Variants in NTSR1 observed in about 807,000 individuals in gnomAD.
NTSR1 encodes the protein neurotensin receptor 1.
Under a neutral mutation model 31.2 loss-of-function variants are expected in NTSR1, and 29 were observed. The ratio of observed to expected loss-of-function variants is 0.93; its 90% CI spans 0.69 to 1.27. NTSR1 has a LOEUF of 1.27. NTSR1 is among the 50% of genes most tolerant of loss of function. NTSR1 has a pLI of 0.00. For synonymous variants in NTSR1, 282 were observed against 269.9 expected (o/e 1.04, Z -0.44); for missense variants, 697 against 595.4 (o/e 1.17, Z -1.78).
chr20:62,729,973 C>G (rs530500576), intron 1 of NTSR1, among the ~76,000 whole-genome samples: 38 of 152,118 alleles, frequency 2.5e-4, no homozygotes, highest in Non-Finnish European at 5.0e-4. Context: ...TGTAGAGAAG[C>G]GTTGAGCCCA....
chr20:62,723,218 AT>A (rs1988851643), intron 1 of NTSR1, among the ~76,000 whole-genome samples: 1 of 152,226 alleles, frequency 6.6e-6, no homozygotes, highest in African/African-American at 2.4e-5. Flanking sequence ...GGCTCTCAGC[AT>A]TCAGAGAGTA....
At chr20:62,725,117 T>G (rs2427418) in intron 1 of NTSR1, among the ~76,000 whole-genome samples, 138,701 of 152,268 alleles carry the variant, frequency 0.91, 63,365 homozygotes, top group East Asian at 1. Context: ...AGACAAGTGC[T>G]CCCCAAGGCA....
chr20:62,762,763 C>T lies in NTSR1; in HGVS notation c.*2496C>T, dbSNP rs1989649748. ...CTCAATAAAGGTGGCCGAAGGGCCT[C>T]GATGTGGACTTGAGTGTTGAGGGCC... On this transcript the variant is annotated 3_prime_UTR_variant, in exon 4 of 4. Transcript: ENST00000370501. 1 of 152,244 alleles carries T rather than the reference C, an allele frequency of 6.6e-6. No individual in the cohort carries two copies. The allele number at this position is 152,244 out of a possible 1,614,324, so 9.4% of individuals were successfully genotyped here.
intron 1 of NTSR1, among the ~76,000 whole-genome samples, chr20:62,730,879 T>G (rs927124369): frequency 1.3e-5 from 2 of 152,262 alleles, no homozygotes; most frequent in Non-Finnish European, 2.9e-5. Flanking sequence ...TTGCTACGTC[T>G]TCTTTGATGA....
intron 1 of NTSR1, among the ~76,000 whole-genome samples, chr20:62,726,624 G>A (rs1328148988): frequency 1.3e-5 from 2 of 151,816 alleles, no homozygotes; most frequent in Admixed American, 1.3e-4. Flanking sequence ...GAGCCTGGGA[G>A]GTCAAGGCCG....
In NTSR1 at chr20:62,747,182, A is replaced by G. The variant is rs574240878; in HGVS notation, c.715-7503A>G. Among the ~76,000 whole-genome samples, 4 of 152,368 alleles carry G rather than the reference A, an allele frequency of 2.6e-5. No individual in the cohort carries two copies. In the South Asian group the frequency reaches 8.3e-4, roughly 32 times the overall value. On this transcript the variant is annotated intron_variant, in intron 1 of 3. Coordinates refer to ENST00000370501, the MANE Select transcript of NTSR1 (RefSeq NM_002531.3). ...TTGATACAGAAAAAGCATTTGACAA[A>G]ACTCAGCATCCTTTCATGATAAAAA...
At chr20:62,749,450 G>A (rs146795810) in intron 1 of NTSR1, among the ~76,000 whole-genome samples, 171 of 152,202 alleles carry the variant, frequency 1.1e-3, no homozygotes, top group African/African-American at 3.9e-3. Flanking sequence ...AAACATAGAA[G>A]AAAAGCTTCT....
At position 62,733,401 on chromosome 20, in the gene NTSR1, G is replaced by A. The variant is rs1048210077; in HGVS notation, c.715-21284G>A. ...TTCCGGGAGCAAATGAGCATCTCTC[G>A]GGACAGTTGTGTTTCCCTTGGGCAG... On this transcript the variant is annotated intron_variant, in intron 1 of 3. Coordinates refer to ENST00000370501, the MANE Select transcript of NTSR1 (RefSeq NM_002531.3). The surrounding 1 kb of genome is among the most constrained non-coding windows in gnomAD (Gnocchi z 5.2). Among the ~76,000 whole-genome samples, 2 of 152,162 alleles carry A rather than the reference G, an allele frequency of 1.3e-5. No homozygotes were observed. The highest frequency in any genetic ancestry group is 4.8e-5 in the African/African-American group (2 of 41,450).
Position 62,709,252 on chromosome 20 carries a change from C to T in NTSR1, c.45C>T (p.Ala15=). The change falls in exon 1 of 4, where the codon GCC becomes GCT. Residue 15 remains alanine (A), a synonymous_variant. Transcript: ENST00000370501. ...SSAPGTPGTP[A]ADPFQRAQAG... is the part of the protein sequence containing the mutation. ...CGCCGGGAACCCCGGGCACGCCGGC[C>T]GCCGACCCCTTCCAGCGGGCGCAGG... The T allele has an allele frequency of 6.6e-7, 1 of 1,523,576 alleles. No individual in the cohort carries two copies. The highest frequency in any genetic ancestry group is 8.8e-7 in the Non-Finnish European group (1 of 1,142,292). 94.4% of individuals were successfully genotyped at this position (1,523,576 alleles called of 1,614,324 possible). A position where few individuals can be genotyped will look rare whatever the true frequency, so the allele number is the denominator to read the frequency against.
intron 1 of NTSR1, among the ~76,000 whole-genome samples, chr20:62,725,177 GAT>G (rs1168760849): frequency 1.3e-5 from 2 of 152,194 alleles, no homozygotes; most frequent in Non-Finnish European, 2.9e-5. Flanking sequence ...CAGAGCCCCA[GAT>G]AAGTGCAAGG....
chr20:62,760,145 C>T lies in NTSR1; in HGVS notation c.1135C>T (p.Leu379=), dbSNP rs202170385. 4.0e-5 allele frequency: 65 copies of T among 1,614,210 alleles called. No individual in the cohort carries two copies. In the African/African-American group the frequency reaches 4.8e-4, roughly 12 times the overall value. Residue 379 remains leucine, a synonymous_variant, in exon 4 of 4, where the codon CTG becomes TTG. Coordinates refer to ENST00000370501, the MANE Select transcript of NTSR1 (RefSeq NM_002531.3). ...CTTCCGCCACATCTTCCTGGCCACA[C>T]TGGCCTGCCTCTGCCCGGTGTGGCG... is the stretch of plus-strand genomic sequence containing the variant. ...ANFRHIFLAT[L]ACLCPVWRRR...
intron 1 of NTSR1, among the ~76,000 whole-genome samples, chr20:62,738,008 CT>C (rs1478422122): frequency 2.6e-5 from 4 of 152,248 alleles, no homozygotes; most frequent in Admixed American, 6.5e-5. Context: ...TGCATGCCCC[CT>C]GGTCCTCCGC....
chr20:62,748,378 C>A (rs1989338962), intron 1 of NTSR1, among the ~76,000 whole-genome samples: 2 of 151,900 alleles, frequency 1.3e-5, no homozygotes, highest in African/African-American at 2.4e-5. Context: ...AGATTCAGTG[C>A]AATCCCTATC....
Position 62,709,776 on chromosome 20 carries a change from G to T in NTSR1, c.569G>T (p.Ser190Ile). The T allele has an allele frequency of 6.2e-7, 1 of 1,613,052 alleles. No homozygotes were observed. The highest frequency in any genetic ancestry group is 8.5e-7 in the Non-Finnish European group (1 of 1,179,930). Residue 190 changes from serine (S) to isoleucine (I), a missense_variant, in exon 1 of 4, where the codon AGC becomes ATC. Coordinates refer to ENST00000370501, the MANE Select transcript of NTSR1 (RefSeq NM_002531.3). Reference protein sequence around the residue: ...MSRSRTKKFISAIWLASALLA... With the variant: ...MSRSRTKKFIIAIWLASALLA... Reference sequence around the variant, plus strand: ...CGAAGCCGCACCAAGAAGTTCATCAGCGCCATCTGGCTCGCCTCGGCCCTG... The same window carrying T: ...CGAAGCCGCACCAAGAAGTTCATCATCGCCATCTGGCTCGCCTCGGCCCTG...
rs748031449 is a variant in NTSR1, at chr20:62,760,016, A to G, written c.1008-2A>G. 1 of 1,613,294 alleles carries G rather than the reference A, an allele frequency of 6.2e-7. No homozygotes were observed. Among genetic ancestry groups the G allele is most frequent in the South Asian group, 1.1e-5 (1 of 91,076 alleles). ...GATCTGAGCGCCTCTCTCTCCCCGC[A>G]GGTTCCTCTATGACTTCTACCACTA... On this transcript the variant is annotated splice_acceptor_variant, in intron 3 of 3. Coordinates refer to ENST00000370501, the MANE Select transcript of NTSR1 (RefSeq NM_002531.3). LOFTEE classifies it high-confidence loss of function.
At chr20:62,716,914 G>A (rs1334636074) in intron 1 of NTSR1, among the ~76,000 whole-genome samples, 12 of 152,228 alleles carry the variant, frequency 7.9e-5, no homozygotes, top group Non-Finnish European at 1.8e-4. Context: ...CTGTCTCAGA[G>A]ACCCCCACTG....
At chr20:62,752,904 C>T (rs1264394858) in intron 1 of NTSR1, among the ~76,000 whole-genome samples, 2 of 151,958 alleles carry the variant, frequency 1.3e-5, no homozygotes, top group East Asian at 1.9e-4. Flanking sequence ...GGACGCGGGA[C>T]GGCCTCAGAT....
chr20:62,709,606 CT>C lies in NTSR1; in HGVS notation c.400del (p.Trp134GlyfsTer29), dbSNP rs900969924. On this transcript the variant is annotated frameshift_variant, in exon 1 of 4. Coordinates refer to ENST00000370501, the MANE Select transcript of NTSR1 (RefSeq NM_002531.3). LOFTEE classifies it high-confidence loss of function. ...LYNFIWVHHP[W>X]AFGDAGCRGY... ...ACAACTTCATCTGGGTGCACCACCCCTGGGCCTTCGGCGACGCCGGCTGCCG... is the reference window on the plus strand; with the variant it reads ...ACAACTTCATCTGGGTGCACCACCCCGGGCCTTCGGCGACGCCGGCTGCCG... 6.2e-7 allele frequency: 1 copy of C among 1,611,696 alleles called. No individual in the cohort carries two copies. The highest frequency in any genetic ancestry group is 1.3e-5 in the African/African-American group (1 of 74,946).
intron 1 of NTSR1, among the ~76,000 whole-genome samples, chr20:62,716,508 G>A (rs113172878): frequency 0.021 from 1,422 of 67,858 alleles, 28 homozygotes; most frequent in African/African-American, 0.045. Context: ...GTTTCAGCGC[G>A]TTAGTCCCGC....
Sources: allele counts gnomAD v4.1 joint callset (sites outside exome capture counted in the v4.1 genomes callset), GRCh38; gene constraint gnomAD v4.1.1; non-coding constraint Gnocchi (gnomAD v3.1); transcripts MANE v1.5; gene names NCBI Gene and HGNC (gene_info 2026-07-23, HGNC 2026-07-21).